The following DCLRE1A variants were observed in gnomAD, a reference collection of about 807,000 sequenced individuals.
DCLRE1A encodes the protein DNA cross-link repair 1A.
DCLRE1A carries 64 observed loss-of-function variants against 91.9 expected under a neutral mutation model. The observed-to-expected ratio is 0.70, with a 90% CI of 0.57 to 0.86. DCLRE1A has a LOEUF of 0.86. Ranked by LOEUF, DCLRE1A falls within the 40% of genes least tolerant of loss-of-function variation. The probability of loss-of-function intolerance (pLI) is 0.00; values close to 1 mark genes in which losing one functional copy is unlikely to be tolerated. For synonymous variants in DCLRE1A, 416 were observed against 431.1 expected (o/e 0.96, Z 0.43); for missense variants, 1,145 against 1,213.3 (o/e 0.94, Z 0.84).
At chr10:113,842,235 T>C (rs937044378) in intron 6 of DCLRE1A, 108 bp downstream of exon 6, 2 of 969,196 alleles carry the variant, frequency 2.1e-6, no homozygotes, top group South Asian at 5.5e-5. Flanking sequence ...ATTGAATCAT[T>C]ACAGGAAATA....
intron 1 of DCLRE1A, among the ~76,000 whole-genome samples, chr10:113,851,258 G>C (rs1158381810): frequency 6.6e-6 from 1 of 152,154 alleles, no homozygotes; most frequent in Non-Finnish European, 1.5e-5. Context: ...TAGCAAATTT[G>C]TGAGGTTTTC....
chr10:113,848,804 A>G (rs1298505567), intron 2 of DCLRE1A, among the ~76,000 whole-genome samples, 176 bp downstream of exon 2: 1 of 152,192 alleles, frequency 6.6e-6, no homozygotes, highest in Admixed American at 6.5e-5. Flanking sequence ...ATGGAGCAAA[A>G]AAAATCAAAT....
In DCLRE1A at chr10:113,840,808, G is replaced by A. The variant is rs539091141; in HGVS notation, c.2820+598C>T. On this transcript the variant is annotated intron_variant, in intron 7 of 8. Coordinates refer to ENST00000361384, the MANE Select transcript of DCLRE1A (RefSeq NM_014881.5). ...CAGGTTTGATGTATTCAATTGCCAGGTGTCAAAATGTTAGTATATGGAATA... is the reference window on the plus strand; with the variant it reads ...CAGGTTTGATGTATTCAATTGCCAGATGTCAAAATGTTAGTATATGGAATA... Among the ~76,000 whole-genome samples, 3 of 152,236 alleles carry A rather than the reference G, an allele frequency of 2.0e-5. No homozygotes were observed. In the South Asian group the frequency reaches 6.2e-4, roughly 32 times the overall value.
In DCLRE1A at chr10:113,844,094, C is replaced by G; in HGVS notation, c.2519+10G>C. ...GGGAAAAGGAAACACACAAAAAAAG[C>G]CTCTCTTACGTGGTATCTAAGTACA... On this transcript the variant is annotated intron_variant, in intron 5 of 8. Transcript: ENST00000361384. 1 of 1,613,050 alleles carries G rather than the reference C, an allele frequency of 6.2e-7. No homozygotes were observed. The highest frequency in any genetic ancestry group is 8.5e-7 in the Non-Finnish European group (1 of 1,179,656).
chr10:113,835,546 C>T (rs1564840582), intron 8 of DCLRE1A, among the ~76,000 whole-genome samples: 1 of 152,090 alleles, frequency 6.6e-6, no homozygotes, highest in Non-Finnish European at 1.5e-5. Flanking sequence ...CCACCCAAAT[C>T]TCATCTCAAA....
intron 2 of DCLRE1A, 135 bp downstream of exon 2, chr10:113,848,845 A>G: frequency 2.4e-6 from 2 of 829,782 alleles, no homozygotes; most frequent in Non-Finnish European, 3.8e-6. Context: ...TTAGAGGCTC[A>G]TGAAGTATCA....
intron 7 of DCLRE1A, 95 bp downstream of exon 7, chr10:113,841,311 C>G (rs1845441573): frequency 1.4e-6 from 2 of 1,415,182 alleles, no homozygotes; most frequent in African/African-American, 1.5e-5. Context: ...ATGGGTGACT[C>G]TATTATAATT....
At chr10:113,837,797 A>G (rs1845386591) in intron 7 of DCLRE1A, among the ~76,000 whole-genome samples, 1 of 152,208 alleles carries the variant, frequency 6.6e-6, no homozygotes, top group African/African-American at 2.4e-5. Context: ...AGTCTTGAGT[A>G]GGATAGAACT....
intron 2 of DCLRE1A, among the ~76,000 whole-genome samples, chr10:113,848,557 A>G (rs374590393): frequency 2.3e-4 from 35 of 152,320 alleles, no homozygotes; most frequent in African/African-American, 8.4e-4. Context: ...GGCATTTACT[A>G]TGATATGTAA....
chr10:113,849,654 T>C lies in DCLRE1A; in HGVS notation c.1451A>G (p.Asn484Ser). 6.2e-7 allele frequency: 1 copy of C among 1,614,210 alleles called. No individual in the cohort carries two copies. Among genetic ancestry groups the C allele is most frequent in the Non-Finnish European group, 8.5e-7 (1 of 1,180,036 alleles). ...EGYLSSQPTQ[N>S]TIRKLSSENL... The stretch of plus-strand genomic sequence containing the variant: ...CTCACTTGATAATTTTCTAATTGTA[T>C]TTTGGGTTGGTTGGGAAGAAAGATA... Residue 484 changes from asparagine (N) to serine (S), a missense_variant, in exon 2 of 9, where the codon AAT becomes AGT. Physicochemically the swap from Asn to Ser is conservative, Grantham distance 46. Coordinates refer to ENST00000361384, the MANE Select transcript of DCLRE1A (RefSeq NM_014881.5).
At position 113,844,330 on chromosome 10, in the gene DCLRE1A, G is replaced by A. The variant is rs373672202; in HGVS notation, c.2379-86C>T. On this transcript the variant is annotated intron_variant, in intron 4 of 8. Coordinates refer to ENST00000361384, the MANE Select transcript of DCLRE1A (RefSeq NM_014881.5). ...TATTTCAATATCAACAAGTTAGCAC[G>A]CTTTATTAGCTGACCACAATGACAT... is the stretch of plus-strand genomic sequence containing the variant. 5.0e-5 allele frequency: 75 copies of A among 1,507,220 alleles called. No individual in the cohort carries two copies. The African/African-American group carries it at 6.5e-4, about 13-fold the overall frequency. 93.4% of individuals were successfully genotyped at this position (1,507,220 alleles called of 1,614,324 possible).
Position 113,849,142 on chromosome 10 carries a change from G to T in DCLRE1A, c.1963C>A (p.His655Asn), listed in dbSNP as rs762747479. 1 of 1,614,018 alleles carries T rather than the reference G, an allele frequency of 6.2e-7. No homozygotes were observed. Among genetic ancestry groups the T allele is most frequent in the Non-Finnish European group, 8.5e-7 (1 of 1,180,006 alleles). ...QEGACQKRSD[H>N]LINTESEAVN... is the part of the protein sequence containing the mutation. ...GCTTCAGATTCTGTATTAATAAGGT[G>T]ATCTGATCTCTTCTGACACGCTCCT... The change falls in exon 2 of 9, where the codon CAC becomes AAC. Residue 655 changes from histidine to asparagine, a missense_variant. Transcript: ENST00000361384.
intron 8 of DCLRE1A, 101 bp downstream of exon 8, chr10:113,836,961 C>A: frequency 1.9e-6 from 2 of 1,033,066 alleles, no homozygotes; most frequent in South Asian, 1.9e-5. Flanking sequence ...TTATTAAATT[C>A]TTTGGTGCCT....
At chr10:113,842,575 A>G in intron 5 of DCLRE1A, 87 bp from the exon 6 acceptor site, 2 of 1,289,740 alleles carry the variant, frequency 1.6e-6, no homozygotes, top group Non-Finnish European at 2.1e-6. Flanking sequence ...AACAAGCGTT[A>G]GCAACTTACA....
rs550951034 is a variant in DCLRE1A, at chr10:113,845,850, AT to A, written c.2260-48del. The A allele has an allele frequency of 2.8e-3, 3,939 of 1,401,940 alleles. 18 individuals carry two copies. Among genetic ancestry groups the A allele is most frequent in the South Asian group, 9.2e-3 (794 of 86,766 alleles). 86.8% of individuals were successfully genotyped at this position (1,401,940 alleles called of 1,614,324 possible). On this transcript the variant is annotated intron_variant, in intron 3 of 8. Transcript: ENST00000361384. ...TTGCTGATGCAGTAAAACACTAAAT[AT>A]TTTATTTCATATCTAGTTTAGAACC...
chr10:113,838,193 G>A (rs1405264385), intron 7 of DCLRE1A, among the ~76,000 whole-genome samples: 1 of 152,100 alleles, frequency 6.6e-6, no homozygotes, highest in Non-Finnish European at 1.5e-5. Context: ...TCTTGGCTCT[G>A]CAAATTTGCA....
In DCLRE1A at chr10:113,840,974, C is replaced by T. The variant is rs903880810; in HGVS notation, c.2820+432G>A. On this transcript the variant is annotated intron_variant, in intron 7 of 8. Transcript: ENST00000361384. ...CACTTCCACTATTTCATTTAATTGT[C>T]GCAACAAGTAAATTTTCAATATTTA... 3.9e-5 allele frequency among the ~76,000 whole-genome samples: 6 copies of T among 152,042 alleles called. No homozygotes were observed. In the East Asian group the frequency reaches 5.8e-4, roughly 15 times the overall value.
rs774489414 is a variant in DCLRE1A, at chr10:113,850,623, C to A, written c.482G>T (p.Cys161Phe). Residue 161 changes from cysteine to phenylalanine, a missense_variant, in exon 2 of 9, where the codon TGT (cysteine) becomes TTT (phenylalanine). Physicochemically the swap from Cys to Phe is radical, Grantham distance 205. Transcript: ENST00000361384. Reference protein sequence around the residue: ...SETECPDGLLCTSTIPFHYKR... With the variant: ...SETECPDGLLFTSTIPFHYKR... ...GTAATGAAAAGGAATGGTTGAGGTA[C>A]ACAGAAGACCATCAGGACACTCTGA... The A allele has an allele frequency of 3.7e-6, 6 of 1,606,682 alleles. No individual in the cohort carries two copies. The South Asian group carries it at 6.6e-5, about 18-fold the overall frequency.
At chr10:113,848,000 T>C (rs1017366430) in intron 2 of DCLRE1A, among the ~76,000 whole-genome samples, 1 of 152,128 alleles carries the variant, frequency 6.6e-6, no homozygotes, top group African/African-American at 2.4e-5. Flanking sequence ...TATCAACACA[T>C]GGTTTTAGGA....
Sources: gnomAD v4.1 joint callset for allele counts (sites outside exome capture counted in the v4.1 genomes callset) on GRCh38, gnomAD v4.1.1 for gene constraint, MANE v1.5 for transcripts, NCBI Gene and HGNC (gene_info 2026-07-23, HGNC 2026-07-21) for gene names.